Variants in POLRMT observed in about 807,000 individuals in gnomAD.
The protein encoded by POLRMT is DNA-directed RNA polymerase, mitochondrial.
Under a neutral mutation model 132.2 loss-of-function variants are expected in POLRMT, and 114 were observed. The ratio of observed to expected loss-of-function variants is 0.86; its 90% CI spans 0.74 to 1.01. The LOEUF is 1.01. POLRMT is among the 50% of genes least tolerant of loss of function. POLRMT has a pLI of 0.00. For missense variants in POLRMT, 2,003 were observed against 1,729.1 expected (o/e 1.16, Z -2.81); for synonymous variants, 1,020 against 773.4 (o/e 1.32, Z -5.29).
rs528633312 is a variant in POLRMT at position 618,264 on chromosome 19, G to T, written c.3422+224C>A. 4.2e-5 allele frequency: 24 copies of T among 565,836 alleles called. No individual in the cohort carries two copies. The African/African-American group carries it at 4.5e-4, about 11-fold the overall frequency. The allele number at this position is 565,836 out of a possible 1,614,324, so 35.1% of individuals were successfully genotyped here. ...GAAATGCCCAGCAGGAAGGGGCAGC[G>T]CCCATGCTCGGCTCTCCCTGTCGGG... On this transcript the variant is annotated intron_variant, in intron 17 of 20. Transcript: ENST00000588649.
rs539330559 is a variant in POLRMT, at chr19:620,299, C to T, written c.2763+66G>A. The T allele has an allele frequency of 9.4e-5, 140 of 1,483,356 alleles. 1 individual carries two copies. The highest frequency in any genetic ancestry group is 8.2e-4 in the Admixed American group (35 of 42,634). 91.9% of individuals were successfully genotyped at this position (1,483,356 alleles called of 1,614,324 possible). ...CACGAGCGAAGGTGAAATCTCACAC[C>T]CTCAAGTCGAGCCCCAGGCCCAGTG... On this transcript the variant is annotated intron_variant, in intron 11 of 20. Transcript: ENST00000588649.
rs1382030865 is a variant in POLRMT at position 619,321 on chromosome 19, A to C, written c.3067-25T>G. 12 of 1,603,856 alleles carry C rather than the reference A, an allele frequency of 7.5e-6. No individual in the cohort carries two copies. In the Admixed American group the frequency reaches 2.0e-4, roughly 27 times the overall value. On this transcript the variant is annotated intron_variant, in intron 13 of 20. Transcript: ENST00000588649. ...CCTGCAGAGGGCGGGCAGCAGGTGC[A>C]GGTCCTCAGGGGCTGGCCCGTTCAC...
chr19:619,838 CCCCCGCCCCAG>C, intron 12 of POLRMT, 73 bp from the exon 13 acceptor site: 1 of 1,552,144 alleles, frequency 6.4e-7, no homozygotes, highest in Non-Finnish European at 8.7e-7. Context: ...ACCCATGAAG[CCCCCGCCCCAG>C]CCCCACCACA....
intron 3 of POLRMT, among the ~76,000 whole-genome samples, chr19:626,918 A>G (rs1985065510): frequency 7.4e-6 from 1 of 135,024 alleles, no homozygotes; most frequent in Non-Finnish European, 1.6e-5. Flanking sequence ...TATATATAAA[A>G]TAACATATAT....
rs916094581 is a variant in POLRMT, at chr19:618,983, G to A, written c.3267+14C>T. The stretch of plus-strand genomic sequence containing the variant: ...ATGGTGGCACACTGGGGAGGGATGG[G>A]GTGGTACACTGACCTTGACCTTGGA... On this transcript the variant is annotated intron_variant, in intron 15 of 20. Transcript: ENST00000588649. The A allele has an allele frequency of 3.2e-6, 5 of 1,551,816 alleles. No homozygotes were observed. The highest frequency in any genetic ancestry group is 2.3e-5 in the East Asian group (1 of 43,960).
intron 6 of POLRMT, 23 bp downstream of exon 6, chr19:623,431 C>T (rs769520696): frequency 2.5e-6 from 4 of 1,607,482 alleles, no homozygotes; most frequent in Admixed American, 3.3e-5. Flanking sequence ...GCGGCGGACA[C>T]GGGACCCCGG....
rs1984731992 is a variant in POLRMT, at chr19:622,840, A to C, written c.1436T>G (p.Val479Gly). The C allele has an allele frequency of 1.3e-6, 2 of 1,597,416 alleles. No homozygotes were observed. The highest frequency in any genetic ancestry group is 8.5e-7 in the Non-Finnish European group (1 of 1,171,706). ...PFLCLLDEREVVRMLLQVLQA... is the reference protein window; with the variant it reads ...PFLCLLDEREGVRMLLQVLQA... ...ACGCACCTGCAGGAGCATCCGCACC[A>C]CCTCGCGCTCGTCCAGCAGGCACAG... The change falls in exon 7 of 21, where the codon GTG (valine) becomes GGG (glycine). Residue 479 changes from valine (V) to glycine (G), a missense_variant. Transcript: ENST00000588649.
At chr19:623,032 A>G (rs752304799) in intron 6 of POLRMT, 47 bp from the exon 7 acceptor site, 1 of 1,595,076 alleles carries the variant, frequency 6.3e-7, no homozygotes, top group South Asian at 1.1e-5. Flanking sequence ...AGCTGGTGGG[A>G]CCCAGGCTCA....
chr19:618,639 C>T (rs1984217688), intron 16 of POLRMT, 53 bp from the exon 17 acceptor site: 10 of 1,599,724 alleles, frequency 6.3e-6, no homozygotes, highest in African/African-American at 2.7e-5. Context: ...CCCTAACTGG[C>T]CGCTGTCTCC....
rs1200327785 is a variant in POLRMT, at chr19:621,460, C to T, written c.2238G>A (p.Leu746=). 3 of 1,383,894 alleles carry T rather than the reference C, an allele frequency of 2.2e-6. No homozygotes were observed. Among genetic ancestry groups the T allele is most frequent in the African/African-American group, 3.1e-5 (2 of 65,020 alleles). The allele number at this position is 1,383,894 out of a possible 1,614,324, so 85.7% of individuals were successfully genotyped here. ...TGCGGGCGGGCGCGGCGCTGTGCGGCAGGTGGGCCTCGGGCGGCTGGGGCG... is the reference window on the plus strand; with the variant it reads ...TGCGGGCGGGCGCGGCGCTGTGCGGTAGGTGGGCCTCGGGCGGCTGGGGCG... The part of the protein sequence containing the change: ...SEAPQPPEAH[L]PHSAAPARKA... The change falls in exon 10 of 21, where the codon CTG becomes CTA. Residue 746 remains leucine, a synonymous_variant. Transcript: ENST00000588649.
In POLRMT at chr19:627,696, G is replaced by A. The variant is rs538760761; in HGVS notation, c.822+1844C>T. 6.7e-5 allele frequency among the ~76,000 whole-genome samples: 10 copies of A among 149,504 alleles called. No homozygotes were observed. The South Asian group carries it at 8.5e-4, about 13-fold the overall frequency. ...TCCCAGCACTTAGGGAGGCTGAGGCGGGCGGATTACCTGAGGTCAGGAGTT... is the reference window on the plus strand; with the variant it reads ...TCCCAGCACTTAGGGAGGCTGAGGCAGGCGGATTACCTGAGGTCAGGAGTT... On this transcript the variant is annotated intron_variant, in intron 3 of 20. Coordinates refer to ENST00000588649, the MANE Select transcript of POLRMT (RefSeq NM_005035.4).
rs367544259 is a variant in POLRMT at position 620,492 on chromosome 19, G to A, written c.2641-5C>T. The A allele has an allele frequency of 1.3e-4, 197 of 1,573,794 alleles. 3 individuals carry two copies. The Admixed American group carries it at 3.1e-3, about 25-fold the overall frequency. ...GCCCATCCACCACTTTCGGCCCTGC[G>A]GGGACAGCGGATGGGGGGCAGTGAG... is the stretch of plus-strand genomic sequence containing the variant. On this transcript the variant is annotated splice_polypyrimidine_tract_variant and splice_region_variant and intron_variant, in intron 10 of 20. Coordinates refer to ENST00000588649, the MANE Select transcript of POLRMT (RefSeq NM_005035.4).
rs760675257 is a variant in POLRMT at position 621,859 on chromosome 19, A to AGGCAGACGGGTCAGGGCCCG, written c.1852-14_1852-13insCGGGCCCTGACCCGTCTGCC. On this transcript the variant is annotated splice_polypyrimidine_tract_variant and intron_variant, in intron 9 of 20. Transcript: ENST00000588649. ...TCAGGATGCCGATCTGGGGTGCGAC[A>AGGCAGACGGGTCAGGGCCCG]GGCAGACGGGTCAGGGCCCCGGTGC... 1.2e-6 allele frequency: 2 copies of AGGCAGACGGGTCAGGGCCCG among 1,600,802 alleles called. No homozygotes were observed. The highest frequency in any genetic ancestry group is 2.2e-5 in the South Asian group (2 of 91,052).
At chr19:623,037 G>A (rs750897546) in intron 6 of POLRMT, 52 bp from the exon 7 acceptor site, 9 of 1,592,056 alleles carry the variant, frequency 5.7e-6, no homozygotes, top group East Asian at 2.2e-5. Context: ...GTGGGACCCA[G>A]GCTCACAGGA....
intron 6 of POLRMT, 150 bp from the exon 7 acceptor site, chr19:623,135 C>T (rs1362922465): frequency 1.8e-6 from 2 of 1,125,554 alleles, no homozygotes; most frequent in Non-Finnish European, 2.5e-6. Flanking sequence ...CCGGCCTGCC[C>T]TCTGCCGGCT....
rs772403143 is a variant in POLRMT, at chr19:630,031, C to T, written c.331G>A (p.Ala111Thr). 3.7e-6 allele frequency: 6 copies of T among 1,613,746 alleles called. No homozygotes were observed. The highest frequency in any genetic ancestry group is 1.7e-4 in the Middle Eastern group (1 of 5,994). The change falls in exon 3 of 21, where the codon GCC (alanine) becomes ACC (threonine). Residue 111 changes from alanine to threonine, a missense_variant. Coordinates refer to ENST00000588649, the MANE Select transcript of POLRMT (RefSeq NM_005035.4). ...LQPPRKVQMG[A>T]KDATPVPCGR... ...CAGGGCACCGGGGTGGCATCCTTGG[C>T]CCCCATCTGGACCTTCCTGGGTGGC... is the stretch of plus-strand genomic sequence containing the variant.
chr19:619,402 G>A (rs555012125), intron 13 of POLRMT, 106 bp from the exon 14 acceptor site: 166 of 1,412,952 alleles, frequency 1.2e-4, no homozygotes, highest in Middle Eastern at 7.5e-4. Context: ...GGCCTAGCAG[G>A]GGGGCAGGGG....
At position 618,537 on chromosome 19, in the gene POLRMT, G is replaced by C; in HGVS notation, c.3373C>G (p.His1125Asp). ...ATCATGTGGGAGGAGTCCAGCGAGT[G>C]GATGAAGTTGGGCGGGAAGCCGTTC... ...QKNGFPPNFI[H>D]SLDSSHMMLT... Residue 1125 changes from histidine (H) to aspartate (D), a missense_variant, in exon 17 of 21, where the codon CAC (histidine) becomes GAC (aspartate). By Grantham distance (81) the His-to-Asp change is moderately conservative (BLOSUM62 -1). Coordinates refer to ENST00000588649, the MANE Select transcript of POLRMT (RefSeq NM_005035.4). 6.2e-7 allele frequency: 1 copy of C among 1,613,376 alleles called. No homozygotes were observed. The highest frequency in any genetic ancestry group is 8.5e-7 in the Non-Finnish European group (1 of 1,179,590).
chr19:621,403 G>C lies in POLRMT; in HGVS notation c.2295C>G (p.Cys765Trp). 6.6e-7 allele frequency: 1 copy of C among 1,523,154 alleles called. No homozygotes were observed. Among genetic ancestry groups the C allele is most frequent in the South Asian group, 1.2e-5 (1 of 83,342 alleles). The allele number at this position is 1,523,154 out of a possible 1,614,324, so 94.4% of individuals were successfully genotyped here. A position where few individuals can be genotyped will look rare whatever the true frequency, so the allele number is the denominator to read the frequency against. The change falls in exon 10 of 21, where the codon TGC becomes TGG. Residue 765 changes from cysteine (C) to tryptophan (W), a missense_variant. Coordinates refer to ENST00000588649, the MANE Select transcript of POLRMT (RefSeq NM_005035.4). ...KAELRRELAH[C>W]QKVAREMHSL... is the part of the protein sequence containing the mutation. ...TGTGCATCTCCCGGGCCACCTTCTG[G>C]CAGTGCGCCAGCTCACGGCGCAGCT... is the stretch of plus-strand genomic sequence containing the variant.
Sources: gnomAD v4.1 joint callset for allele counts (sites outside exome capture counted in the v4.1 genomes callset) on GRCh38, gnomAD v4.1.1 for gene constraint, MANE v1.5 for transcripts, NCBI Gene and HGNC (gene_info 2026-07-23, HGNC 2026-07-21) for gene names.